Variants in TCF7L2 observed in about 807,000 individuals in gnomAD.
TCF7L2 encodes transcription factor 7-like 2.
Under a neutral mutation model 77.9 loss-of-function variants are expected in TCF7L2, and 23 were observed. The ratio of observed to expected loss-of-function variants is 0.30; its 90% CI spans 0.21 to 0.42. The LOEUF (loss-of-function observed/expected upper bound fraction) is 0.42, where lower values mean the gene tolerates loss of function less well. TCF7L2 is among the 10% of genes least tolerant of loss of function. The probability of loss-of-function intolerance (pLI) is 1.00; values close to 1 mark genes in which losing one functional copy is unlikely to be tolerated. For synonymous variants in TCF7L2, 413 were observed against 340.2 expected, an observed-to-expected ratio of 1.21 and a Z score of -2.36; for missense variants, 654 against 793.1, an observed-to-expected ratio of 0.82 and a Z score of 2.11.
chr10:113,066,780 T>G (rs2057318629), intron 5 of TCF7L2, among the ~76,000 whole-genome samples: 1 of 152,244 alleles, frequency 6.6e-6, no homozygotes. Flanking sequence ...CATATCTGTT[T>G]CCATGTTGTT....
chr10:112,951,214 G>A lies in TCF7L2; in HGVS notation c.197G>A (p.Arg66Lys). 6.3e-7 allele frequency: 1 copy of A among 1,585,350 alleles called. No homozygotes were observed. Among genetic ancestry groups the A allele is most frequent in the Non-Finnish European group, 8.6e-7 (1 of 1,168,748 alleles). ...CTCCACCCCTCTGGGAAGGCGGAAA[G>A]ACGGCCTCCGCCTCGCTCCGAAAGT... is the stretch of plus-strand genomic sequence containing the variant. The change falls in exon 2 of 14, where the codon AGA becomes AAA. Residue 66 changes from arginine to lysine, a missense_variant. Arg to Lys is a conservative substitution (Grantham distance 26). Transcript: ENST00000627217.
intron 5 of TCF7L2, chr10:113,089,348 T>A: frequency 6.3e-7 from 1 of 1,577,458 alleles, no homozygotes; most frequent in Non-Finnish European, 8.6e-7. Flanking sequence ...CTTGGTGACG[T>A]GTCCCCCTCG....
At chr10:113,084,534 A>G (rs916259120) in intron 5 of TCF7L2, among the ~76,000 whole-genome samples, 1 of 152,194 alleles carries the variant, frequency 6.6e-6, no homozygotes, top group African/African-American at 2.4e-5. Context: ...ATCTAAAAAT[A>G]TCCTCAGAGA....
At chr10:113,144,186 A>G (rs932790517) in intron 7 of TCF7L2, among the ~76,000 whole-genome samples, 161 bp downstream of exon 7, 20 of 151,082 alleles carry the variant, frequency 1.3e-4, no homozygotes, top group Non-Finnish European at 2.7e-4. Flanking sequence ...GCGGGAGGGC[A>G]CAGAAAAGGT....
chr10:113,105,742 A>G lies in TCF7L2; in HGVS notation c.553-35442A>G, dbSNP rs1293311397. 2.0e-5 allele frequency among the ~76,000 whole-genome samples: 3 copies of G among 152,318 alleles called. No individual in the cohort carries two copies. In the East Asian group the frequency reaches 5.8e-4, roughly 29 times the overall value. On this transcript the variant is annotated intron_variant, in intron 5 of 13. Coordinates refer to ENST00000627217, the MANE Select transcript of TCF7L2 (RefSeq NM_001146274.2). ...GCCAGAAGCATCCCGTCCAGGTTCCAGGCAGACGACAGTCTCTGAGCATTC... is the reference window on the plus strand; with the variant it reads ...GCCAGAAGCATCCCGTCCAGGTTCCGGGCAGACGACAGTCTCTGAGCATTC...
intron 5 of TCF7L2, among the ~76,000 whole-genome samples, chr10:113,112,272 G>A (rs998989123): frequency 2.6e-5 from 4 of 152,220 alleles, no homozygotes; most frequent in African/African-American, 9.6e-5. Context: ...AAGGAGCTTA[G>A]GAAAGAGGTA....
At chr10:113,153,000 G>A (rs1405540628) in intron 11 of TCF7L2, among the ~76,000 whole-genome samples, 2 of 152,212 alleles carry the variant, frequency 1.3e-5, no homozygotes, top group African/African-American at 2.4e-5. Context: ...CCTGAAAGCA[G>A]CCAGAGGAAG....
intron 5 of TCF7L2, among the ~76,000 whole-genome samples, chr10:113,105,943 A>G (rs565901268): frequency 3.0e-4 from 45 of 152,278 alleles, no homozygotes; most frequent in Admixed American, 3.3e-4. Context: ...AAAACAAAAC[A>G]AAAAAATAGA....
chr10:112,972,331 A>T (rs1350595257), intron 4 of TCF7L2, among the ~76,000 whole-genome samples: 1 of 152,218 alleles, frequency 6.6e-6, no homozygotes, highest in East Asian at 1.9e-4. Context: ...CTTGAGAAAA[A>T]GCATTTGTTT....
intron 5 of TCF7L2, among the ~76,000 whole-genome samples, chr10:113,115,135 G>A (rs1168494891): frequency 6.6e-6 from 1 of 152,232 alleles, no homozygotes; most frequent in Non-Finnish European, 1.5e-5. Context: ...ATGTAGGCAA[G>A]CTGTGTAAAC....
At position 113,109,547 on chromosome 10, in the gene TCF7L2, C is replaced by T. The variant is rs112177459; in HGVS notation, c.553-31637C>T. On this transcript the variant is annotated intron_variant, in intron 5 of 13. Transcript: ENST00000627217. ...CTGGGATTACAGGCTCCTGCCACCACGCCCAGCTAATTTTTGTGTTTTTAG... is the reference window on the plus strand; with the variant it reads ...CTGGGATTACAGGCTCCTGCCACCATGCCCAGCTAATTTTTGTGTTTTTAG... Among the ~76,000 whole-genome samples the T allele has an allele frequency of 3.9e-3, 597 of 152,218 alleles. 4 individuals carry two copies. The highest frequency in any genetic ancestry group is 0.014 in the African/African-American group (573 of 41,546).
At chr10:113,056,449 A>T (rs528690252) in intron 5 of TCF7L2, among the ~76,000 whole-genome samples, 2 of 152,186 alleles carry the variant, frequency 1.3e-5, no homozygotes, top group East Asian at 1.9e-4. Context: ...GAAACAAAAA[A>T]CCCGTCTCCA....
intron 4 of TCF7L2, among the ~76,000 whole-genome samples, chr10:112,993,817 G>A (rs1013788182): frequency 4.6e-5 from 7 of 152,156 alleles, no homozygotes; most frequent in Admixed American, 2.0e-4. Flanking sequence ...AGCACTTTGG[G>A]AGGCCAAGGC....
At chr10:113,023,757 C>T (rs1207528092) in intron 4 of TCF7L2, among the ~76,000 whole-genome samples, 1 of 152,068 alleles carries the variant, frequency 6.6e-6, no homozygotes, top group Non-Finnish European at 1.5e-5. Flanking sequence ...CAAGCTCCAC[C>T]TCCCGGGTTC....
At chr10:113,089,423 G>A in intron 5 of TCF7L2, 1 of 1,613,746 alleles carries the variant, frequency 6.2e-7, no homozygotes, top group Non-Finnish European at 8.5e-7. Context: ...GCTGCACTCA[G>A]GGACATGACT....
chr10:112,952,940 T>G (rs2032323811), intron 3 of TCF7L2, among the ~76,000 whole-genome samples: 1 of 151,588 alleles, frequency 6.6e-6, no homozygotes, highest in Non-Finnish European at 1.5e-5. Context: ...TGTGCCCGGC[T>G]TCCCGGTATT....
chr10:113,056,507 G>A (rs978561680), intron 5 of TCF7L2, among the ~76,000 whole-genome samples: 1 of 152,096 alleles, frequency 6.6e-6, no homozygotes, highest in African/African-American at 2.4e-5. Context: ...TAACTGAAAC[G>A]TTAAAAGCCC....
chr10:113,002,131 G>A lies in TCF7L2; in HGVS notation c.450+37507G>A, dbSNP rs138789065. ...AAACTGTGACTTATGAAGCCTGTAG[G>A]TTGTGTTCAGGTTTGTATGAGGCCT... On this transcript the variant is annotated intron_variant, in intron 4 of 13. Transcript: ENST00000627217. Among the ~76,000 whole-genome samples the A allele has an allele frequency of 1.2e-3, 189 of 152,264 alleles. 1 individual carries two copies. The East Asian group carries it at 0.028, about 22-fold the overall frequency.
At chr10:113,018,390 A>G (rs1277243668) in intron 4 of TCF7L2, among the ~76,000 whole-genome samples, 1 of 150,166 alleles carries the variant, frequency 6.7e-6, no homozygotes, top group South Asian at 2.1e-4. Flanking sequence ...GCTTTCATGA[A>G]AGGTTCCCCT....
Sources: gnomAD v4.1 joint callset for allele counts (sites outside exome capture counted in the v4.1 genomes callset) on GRCh38, gnomAD v4.1.1 for gene constraint, MANE v1.5 for transcripts, NCBI Gene and HGNC (gene_info 2026-07-23, HGNC 2026-07-21) for gene names.